Variants in CAMK2D observed in about 807,000 individuals in gnomAD.
CAMK2D encodes the protein calcium/calmodulin-dependent protein kinase type II subunit delta.
Under a neutral mutation model 84.0 loss-of-function variants are expected in CAMK2D, and 37 were observed. The observed-to-expected ratio is 0.44, with a 90% CI of 0.34 to 0.58. The LOEUF is 0.58. CAMK2D is among the 20% of genes least tolerant of loss of function. The pLI is 0.02. For missense variants in CAMK2D, 448 were observed against 652.5 expected, an observed-to-expected ratio of 0.69 and a Z score of 3.41; for synonymous variants, 202 against 212.5, an observed-to-expected ratio of 0.95 and a Z score of 0.43.
chr4:113,570,102 A>G (rs1036781746), intron 4 of CAMK2D, among the ~76,000 whole-genome samples: 1 of 152,174 alleles, frequency 6.6e-6, no homozygotes, highest in African/African-American at 2.4e-5. Flanking sequence ...ATTCTATAAA[A>G]CATTGATAAA....
At chr4:113,735,784 G>A (rs1317072757) in intron 2 of CAMK2D, among the ~76,000 whole-genome samples, 1 of 152,010 alleles carries the variant, frequency 6.6e-6, no homozygotes, top group Non-Finnish European at 1.5e-5. Flanking sequence ...AAAAAGACTA[G>A]ATTAGCCAGA....
intron 4 of CAMK2D, among the ~76,000 whole-genome samples, chr4:113,564,470 C>T (rs564453382): frequency 2.0e-5 from 3 of 152,316 alleles, no homozygotes; most frequent in Middle Eastern, 3.4e-3. Flanking sequence ...AATCCACCCA[C>T]TGTGCTTTCA....
At chr4:113,645,080 A>C (rs2099146223) in intron 3 of CAMK2D, among the ~76,000 whole-genome samples, 1 of 152,054 alleles carries the variant, frequency 6.6e-6, no homozygotes, top group Admixed American at 6.6e-5. Context: ...GAAGCGGCAC[A>C]ATCTCGGCTC....
At chr4:113,674,046 T>C (rs1222925088) in intron 2 of CAMK2D, among the ~76,000 whole-genome samples, 1 of 152,218 alleles carries the variant, frequency 6.6e-6, no homozygotes, top group African/African-American at 2.4e-5. Flanking sequence ...TTGAATTTAC[T>C]GAATATCATT....
At chr4:113,532,246 G>T (rs183188653) in intron 7 of CAMK2D, among the ~76,000 whole-genome samples, 6 of 152,210 alleles carry the variant, frequency 3.9e-5, no homozygotes, top group Non-Finnish European at 8.8e-5. Context: ...GAACAAAAAA[G>T]AAAATGAGGA....
At chr4:113,633,048 A>G (rs1362641865) in intron 3 of CAMK2D, among the ~76,000 whole-genome samples, 1 of 152,234 alleles carries the variant, frequency 6.6e-6, no homozygotes, top group East Asian at 1.9e-4. Context: ...GATAATCTGG[A>G]CATAAAGCTA....
chr4:113,743,141 A>C (rs949686932), intron 2 of CAMK2D, among the ~76,000 whole-genome samples: 1 of 152,180 alleles, frequency 6.6e-6, no homozygotes, highest in Non-Finnish European at 1.5e-5. Context: ...TTGTTTTCTA[A>C]CTGCCTCCCT....
intron 13 of CAMK2D, among the ~76,000 whole-genome samples, chr4:113,506,768 C>T (rs973193410): frequency 4.6e-5 from 7 of 152,098 alleles, no homozygotes; most frequent in Non-Finnish European, 1.0e-4. Context: ...ACTTTTATTT[C>T]TATTTTGGGA....
chr4:113,502,532 A>AC (rs1363258987), intron 15 of CAMK2D, among the ~76,000 whole-genome samples: 1 of 151,240 alleles, frequency 6.6e-6, no homozygotes, highest in African/African-American at 2.4e-5. Context: ...AAAAAAAAAA[A>AC]CCTATAAAGT....
intron 4 of CAMK2D, among the ~76,000 whole-genome samples, chr4:113,573,790 G>T (rs571746987): frequency 3.4e-4 from 51 of 152,200 alleles, no homozygotes; most frequent in African/African-American, 1.1e-3. Flanking sequence ...CTTCATTTCC[G>T]ATCTTAGTTT....
intron 5 of CAMK2D, among the ~76,000 whole-genome samples, chr4:113,551,336 T>C (rs957355400): frequency 1.3e-5 from 2 of 152,162 alleles, no homozygotes; most frequent in Non-Finnish European, 2.9e-5. Context: ...ATTAACAAGA[T>C]TGAAAAATTA....
At chr4:113,495,347 G>T (rs1321142889) in intron 16 of CAMK2D, among the ~76,000 whole-genome samples, 1 of 152,106 alleles carries the variant, frequency 6.6e-6, no homozygotes, top group Admixed American at 6.5e-5. Context: ...GATTTTTCTG[G>T]AAGTGAGAAA....
rs2099640297 is a variant in CAMK2D, at chr4:113,761,024, C to G, written c.45G>C (p.Gln15His). 6.2e-7 allele frequency: 1 copy of G among 1,614,108 alleles called. No individual in the cohort carries two copies. Among genetic ancestry groups the G allele is most frequent in the Admixed American group, 1.7e-5 (1 of 60,008 alleles). The change falls in exon 1 of 21, where the codon CAG becomes CAC. Residue 15 changes from glutamine to histidine, a missense_variant. Around this residue, in one of 7 missense-constraint regions of CAMK2D, gnomAD observed 44 missense variants for 45.6 expected, o/e 0.96. Coordinates refer to ENST00000511664, the MANE Select transcript of CAMK2D (RefSeq NM_001321571.2). ...CTTACTTTCCAAGCTCCTCGAAAAG[C>G]TGATACTCGTCCGTGAACCTGGTGC... ...TTCTRFTDEYQLFEELGKGAF... is the reference protein window; with the variant it reads ...TTCTRFTDEYHLFEELGKGAF...
At position 113,664,178 on chromosome 4, in the gene CAMK2D, A is replaced by T. The variant is rs1020124039; in HGVS notation, c.161-2406T>A. Among the ~76,000 whole-genome samples, 14 of 152,272 alleles carry T rather than the reference A, an allele frequency of 9.2e-5. No homozygotes were observed. In the South Asian group the frequency reaches 2.5e-3, roughly 27 times the overall value. ...AGCCTCCAGAATTGTGAGAAAATAA[A>T]TTTCTCACAATTGGCTATTTAAGCC... On this transcript the variant is annotated intron_variant, in intron 2 of 20. Coordinates refer to ENST00000511664, the MANE Select transcript of CAMK2D (RefSeq NM_001321571.2).
intron 16 of CAMK2D, among the ~76,000 whole-genome samples, chr4:113,470,255 T>C (rs189851428): frequency 6.6e-6 from 1 of 152,114 alleles, no homozygotes; most frequent in Non-Finnish European, 1.5e-5. Context: ...TACCAGCCCT[T>C]TATATGTACT....
At chr4:113,653,024 A>C (rs1212467038) in intron 3 of CAMK2D, among the ~76,000 whole-genome samples, 2 of 152,134 alleles carry the variant, frequency 1.3e-5, no homozygotes, top group Admixed American at 6.5e-5. Context: ...TCACCAATGG[A>C]AAAGATTTTG....
At chr4:113,696,377 C>T (rs963736916) in intron 2 of CAMK2D, among the ~76,000 whole-genome samples, 6 of 152,188 alleles carry the variant, frequency 3.9e-5, no homozygotes, top group Admixed American at 3.9e-4. Context: ...CCTGGTATAT[C>T]ACCAGGACCT....
chr4:113,536,009 A>G (rs1463377343), intron 7 of CAMK2D, among the ~76,000 whole-genome samples: 1 of 152,174 alleles, frequency 6.6e-6, no homozygotes, highest in African/African-American at 2.4e-5. Context: ...CTCCTGTTAC[A>G]ATATATTCTT....
intron 2 of CAMK2D, among the ~76,000 whole-genome samples, chr4:113,715,531 C>T (rs961174902): frequency 6.6e-6 from 1 of 152,016 alleles, no homozygotes; most frequent in Non-Finnish European, 1.5e-5. Flanking sequence ...AGAAAGTATA[C>T]ATTAATATAT....
Sources: gnomAD v4.1 joint callset for allele counts (sites outside exome capture counted in the v4.1 genomes callset) on GRCh38, gnomAD v4.1.1 for gene constraint, gnomAD v4.1.1 regional missense constraint, MANE v1.5 for transcripts, NCBI Gene and HGNC (gene_info 2026-07-23, HGNC 2026-07-21) for gene names.